Variants in UQCC1 observed in about 807,000 individuals in gnomAD.
UQCC1 encodes the protein ubiquinol-cytochrome c reductase complex assembly factor 1.
A neutral mutation model predicts 48.0 loss-of-function variants in UQCC1; 38 were observed. The observed-to-expected ratio is 0.79, with a 90% CI of 0.61 to 1.04. The LOEUF (loss-of-function observed/expected upper bound fraction) is 1.04. Among genes scored for constraint, UQCC1 ranks in the 50% least tolerant of loss-of-function variants. The pLI is 0.00. For missense variants in UQCC1, 368 were observed against 381.8 expected (o/e 0.96, Z 0.30); for synonymous variants, 111 against 129.2 (o/e 0.86, Z 0.95).
At chr20:35,389,723 G>A (rs888722980) in intron 2 of UQCC1, among the ~76,000 whole-genome samples, 16 of 152,166 alleles carry the variant, frequency 1.1e-4, no homozygotes. Flanking sequence ...ATAAATGTAG[G>A]AATGATGGAA....
chr20:35,381,729 C>T (rs535645929), intron 4 of UQCC1, among the ~76,000 whole-genome samples, 189 bp downstream of exon 4: 2 of 152,230 alleles, frequency 1.3e-5, no homozygotes, highest in South Asian at 4.2e-4. Flanking sequence ...GGGACACCCG[C>T]CTACCCAGCC....
At chr20:35,359,015 G>C (rs2061577465) in intron 6 of UQCC1, among the ~76,000 whole-genome samples, 1 of 152,084 alleles carries the variant, frequency 6.6e-6, no homozygotes, top group Non-Finnish European at 1.5e-5. Flanking sequence ...AGAAAAAAAG[G>C]AGTGTTCAAA....
intron 6 of UQCC1, among the ~76,000 whole-genome samples, chr20:35,353,331 G>A (rs2061511229): frequency 6.6e-6 from 1 of 151,226 alleles, no homozygotes; most frequent in African/African-American, 2.4e-5. Flanking sequence ...CGGAGGTGGA[G>A]GTTTCAGTGA....
Position 35,303,949 on chromosome 20 carries a change from CG to C in UQCC1, c.885del (p.Asn295LysfsTer39). ...SILKPHSPTY[N>X]DEGL The stretch of plus-strand genomic sequence containing the variant: ...GGCCCAGCCCATCAAAGTCCCTCGT[CG>C]TTGTAAGTCGGAGAATGGGGCTTCA... On this transcript the variant is annotated frameshift_variant, in exon 10 of 10. Coordinates refer to ENST00000374385, the MANE Select transcript of UQCC1 (RefSeq NM_018244.5). LOFTEE classifies it high-confidence loss of function. 3 of 1,614,192 alleles carry C rather than the reference CG, an allele frequency of 1.9e-6. No homozygotes were observed. The highest frequency in any genetic ancestry group is 2.5e-6 in the Non-Finnish European group (3 of 1,180,022).
chr20:35,395,306 G>A (rs2062061159), intron 1 of UQCC1, among the ~76,000 whole-genome samples: 1 of 151,966 alleles, frequency 6.6e-6, no homozygotes, highest in African/African-American at 2.4e-5. Context: ...TACCCTCCAA[G>A]AGTCACCTTA....
intron 7 of UQCC1, among the ~76,000 whole-genome samples, chr20:35,333,262 A>C (rs2061277724): frequency 6.6e-6 from 1 of 152,186 alleles, no homozygotes; most frequent in Non-Finnish European, 1.5e-5. Context: ...ATCACAAGGT[A>C]ATTTGTAAGG....
chr20:35,407,572 G>A (rs1452562062), intron 1 of UQCC1, among the ~76,000 whole-genome samples: 1 of 152,190 alleles, frequency 6.6e-6, no homozygotes, highest in East Asian at 1.9e-4. Context: ...TATATCTGAT[G>A]AGGGATTGAT....
intron 5 of UQCC1, among the ~76,000 whole-genome samples, chr20:35,367,874 C>A (rs1016630919): frequency 2.0e-5 from 3 of 152,156 alleles, no homozygotes; most frequent in Admixed American, 2.0e-4. Flanking sequence ...ATCACCCCCC[C>A]AGAAATGACA....
Position 35,382,035 on chromosome 20 carries a change from C to A in UQCC1, c.226-10G>T, listed in dbSNP as rs1265096496. 1 of 1,565,576 alleles carries A rather than the reference C, an allele frequency of 6.4e-7. No homozygotes were observed. On this transcript the variant is annotated splice_polypyrimidine_tract_variant and intron_variant, in intron 3 of 9. Transcript: ENST00000374385. Reference sequence around the variant, plus strand: ...CTTTGGTAGTAGAAAGCTGATTAACCAAAAAGAAAAAAACTAAAATTAGTT... The same window carrying A: ...CTTTGGTAGTAGAAAGCTGATTAACAAAAAAGAAAAAAACTAAAATTAGTT...
In UQCC1 at chr20:35,381,949, C is replaced by G. The variant is rs1426481371; in HGVS notation, c.302G>C (p.Gly101Ala). The G allele has an allele frequency of 6.2e-7, 1 of 1,611,634 alleles. No homozygotes were observed. The highest frequency in any genetic ancestry group is 8.5e-7 in the Non-Finnish European group (1 of 1,178,510). ...ACTGTATTTCAAAGGTCCCGTGAAT[C>G]CCATGGCTTCTATTATCTTTGTGAA... Reference protein sequence around the residue: ...GAFTKIIEAMGFTGPLKYSKW... With the variant: ...GAFTKIIEAMAFTGPLKYSKW... Residue 101 changes from glycine (G) to alanine (A), a missense_variant, in exon 4 of 10, where the codon GGA becomes GCA. Physicochemically the swap from Gly to Ala is moderately conservative, Grantham distance 60 (BLOSUM62 0). Transcript: ENST00000374385.
intron 1 of UQCC1, among the ~76,000 whole-genome samples, chr20:35,396,456 G>C (rs2062080506): frequency 6.6e-6 from 1 of 151,918 alleles, no homozygotes; most frequent in Non-Finnish European, 1.5e-5. Context: ...CTAAAGGCTT[G>C]CATAGCTGTG....
chr20:35,361,011 A>C (rs1193684297), intron 6 of UQCC1, among the ~76,000 whole-genome samples: 1 of 152,116 alleles, frequency 6.6e-6, no homozygotes, highest in African/African-American at 2.4e-5. Context: ...TAAAATTGCC[A>C]AAACTGTCTC....
At chr20:35,327,046 T>A (rs1014732476) in intron 7 of UQCC1, among the ~76,000 whole-genome samples, 3 of 152,254 alleles carry the variant, frequency 2.0e-5, no homozygotes, top group Admixed American at 2.0e-4. Context: ...AAAATAGATA[T>A]CATATTGCCC....
chr20:35,310,859 ATT>A (rs71184065), intron 8 of UQCC1, among the ~76,000 whole-genome samples: 8 of 116,934 alleles, frequency 6.8e-5, no homozygotes, highest in Admixed American at 2.7e-4. Flanking sequence ...TGCCGGGCTA[ATT>A]TTTTTTTTTT....
chr20:35,352,424 G>A (rs1019501447), intron 6 of UQCC1, among the ~76,000 whole-genome samples: 2 of 152,200 alleles, frequency 1.3e-5, no homozygotes, highest in Non-Finnish European at 2.9e-5. Flanking sequence ...AGCACTGACC[G>A]GAGATGAGTC....
At chr20:35,405,344 A>G (rs1339225090) in intron 1 of UQCC1, among the ~76,000 whole-genome samples, 2 of 152,350 alleles carry the variant, frequency 1.3e-5, no homozygotes, top group Non-Finnish European at 2.9e-5. Context: ...GTCACTAAAC[A>G]AAAATACAAC....
chr20:35,324,456 A>G (rs2061167671), intron 7 of UQCC1, among the ~76,000 whole-genome samples: 1 of 152,114 alleles, frequency 6.6e-6, no homozygotes, highest in South Asian at 2.1e-4. Context: ...CCTCCAGAGT[A>G]GCTGGGACTA....
chr20:35,337,394 G>A (rs1306833775), intron 7 of UQCC1, among the ~76,000 whole-genome samples: 1 of 152,048 alleles, frequency 6.6e-6, no homozygotes, highest in African/African-American at 2.4e-5. Flanking sequence ...TCACCATGTT[G>A]GCCAGGCTGG....
chr20:35,371,564 T>G (rs1172893797), intron 5 of UQCC1, among the ~76,000 whole-genome samples: 3 of 151,836 alleles, frequency 2.0e-5, no homozygotes, highest in Non-Finnish European at 4.4e-5. Flanking sequence ...ACTCCTGACC[T>G]CAAGTGATTC....
Sources: gnomAD v4.1 joint callset for allele counts (sites outside exome capture counted in the v4.1 genomes callset) on GRCh38, gnomAD v4.1.1 for gene constraint, MANE v1.5 for transcripts, NCBI Gene and HGNC (gene_info 2026-07-23, HGNC 2026-07-21) for gene names.